Variants in IRAK3 observed in about 807,000 individuals in gnomAD.
IRAK3 encodes the protein interleukin 1 receptor associated kinase 3, also known as interleukin-1 receptor-associated kinase 3.
IRAK3 carries 57 observed loss-of-function variants against 56.6 expected under a neutral mutation model. The ratio of observed to expected loss-of-function variants is 1.01; its 90% CI spans 0.81 to 1.26. The LOEUF (loss-of-function observed/expected upper bound fraction) is 1.26. Among genes scored for constraint, IRAK3 ranks in the 50% most tolerant of loss-of-function variants. IRAK3 has a pLI of 0.00. For synonymous variants in IRAK3, 258 were observed against 255.7 expected, an observed-to-expected ratio of 1.01 and a Z score of -0.09; for missense variants, 703 against 719.0, an observed-to-expected ratio of 0.98 and a Z score of 0.25.
At chr12:66,201,932 G>A (rs190970426) in intron 1 of IRAK3, among the ~76,000 whole-genome samples, 1 of 152,134 alleles carries the variant, frequency 6.6e-6, no homozygotes, top group Admixed American at 6.5e-5. Flanking sequence ...AAGTACTTTG[G>A]AACACAGCAT....
chr12:66,234,195 A>G lies in IRAK3; in HGVS notation c.887+5825A>G, dbSNP rs532918065. On this transcript the variant is annotated intron_variant, in intron 8 of 11. Coordinates refer to ENST00000261233, the MANE Select transcript of IRAK3 (RefSeq NM_007199.3). ...GTCTGCATATGTTCATACTGTGGCA[A>G]GTAGGCTCCTTGCATAGCTGACGTT... The G allele has an allele frequency of 5.1e-5, 83 of 1,614,176 alleles. No homozygotes were observed. The East Asian group carries it at 1.8e-3, about 34-fold the overall frequency.
Position 66,209,485 on chromosome 12 carries a change from T to G in IRAK3, c.346T>G (p.Tyr116Asp), listed in dbSNP as rs142449223. The change falls in exon 3 of 12, where the codon TAT becomes GAT. Residue 116 changes from tyrosine (Y) to aspartate (D), a missense_variant. Transcript: ENST00000261233. ...GAVLSPSEKS[Y>D]QEGGFPNILF... ...AGTGTTGAGTCCTTCAGAGAAGAGT[T>G]ATCAGGAAGGTGGATTTCCAAATAT... The G allele has an allele frequency of 2.2e-5, 35 of 1,606,684 alleles. No homozygotes were observed. The highest frequency in any genetic ancestry group is 3.3e-5 in the Admixed American group (2 of 59,964).
chr12:66,235,291 T>A, intron 8 of IRAK3: 2 of 1,336,052 alleles, frequency 1.5e-6, no homozygotes, highest in Admixed American at 7.5e-5. Flanking sequence ...AGATCATCGC[T>A]GCGGGCCGCG....
Position 66,217,069 on chromosome 12 carries a change from A to G in IRAK3, c.589-102A>G, listed in dbSNP as rs993889608. The G allele has an allele frequency of 3.1e-5, 26 of 835,956 alleles. No homozygotes were observed. The African/African-American group carries it at 4.0e-4, about 13-fold the overall frequency. The allele number at this position is 835,956 out of a possible 1,614,324, so 51.8% of individuals were successfully genotyped here. A position where few individuals can be genotyped will look rare whatever the true frequency, so the allele number is the denominator to read the frequency against. On this transcript the variant is annotated intron_variant, in intron 5 of 11. Coordinates refer to ENST00000261233, the MANE Select transcript of IRAK3 (RefSeq NM_007199.3). The stretch of plus-strand genomic sequence containing the variant: ...CAGAAAAGTGTTCATATGTGTTTAC[A>G]CCAAAAAGTTCATCTAATTTAGGGA...
At chr12:66,218,363 G>A (rs1043320464) in intron 6 of IRAK3, among the ~76,000 whole-genome samples, 15 of 152,006 alleles carry the variant, frequency 9.9e-5, no homozygotes, top group Non-Finnish European at 1.6e-4. Flanking sequence ...AAATAATGCT[G>A]CAACAAGAAA....
intron 6 of IRAK3, among the ~76,000 whole-genome samples, chr12:66,217,708 C>G (rs897514175): frequency 6.6e-6 from 1 of 152,134 alleles, no homozygotes; most frequent in Non-Finnish European, 1.5e-5. Context: ...GAAATGACTT[C>G]GTTTTCATAT....
In IRAK3 at chr12:66,239,962, T is replaced by C. The variant is rs187603906; in HGVS notation, c.888-4524T>C. Among the ~76,000 whole-genome samples the C allele has an allele frequency of 3.8e-3, 574 of 152,326 alleles. 1 individual carries two copies. Among genetic ancestry groups the C allele is most frequent in the African/African-American group, 0.014 (565 of 41,568 alleles). ...GGAACTATTTGAAACTCAGCCAATT[T>C]GTTGGCATTAACTAACTGAAGGGTC... On this transcript the variant is annotated intron_variant, in intron 8 of 11. Transcript: ENST00000261233.
At chr12:66,205,582 T>C (rs925834067) in intron 2 of IRAK3, among the ~76,000 whole-genome samples, 1 of 152,252 alleles carries the variant, frequency 6.6e-6, no homozygotes, top group Admixed American at 6.5e-5. Context: ...TTTCCTATCA[T>C]AGCTACTCAT....
chr12:66,239,959 A>G (rs1056589900), intron 8 of IRAK3, among the ~76,000 whole-genome samples: 1 of 152,178 alleles, frequency 6.6e-6, no homozygotes, highest in African/African-American at 2.4e-5. Flanking sequence ...AACTCAGCCA[A>G]TTTGTTGGCA....
chr12:66,191,274 G>A (rs2052396405), intron 1 of IRAK3, among the ~76,000 whole-genome samples: 1 of 87,616 alleles, frequency 1.1e-5, no homozygotes, highest in Admixed American at 1.0e-4. Flanking sequence ...AAAAATTGAG[G>A]AAGTGGTCAG....
chr12:66,203,915 G>T (rs2052533452), intron 2 of IRAK3, 22 bp downstream of exon 2: 1 of 1,595,630 alleles, frequency 6.3e-7, no homozygotes, highest in Admixed American at 1.7e-5. Context: ...TTCTTATAAT[G>T]TGGCTCTTAA....
intron 1 of IRAK3, among the ~76,000 whole-genome samples, chr12:66,200,758 C>G (rs1230116266): frequency 6.6e-6 from 1 of 152,114 alleles, no homozygotes. Flanking sequence ...AATATTATAA[C>G]TGGTGTAGAA....
intron 6 of IRAK3, among the ~76,000 whole-genome samples, chr12:66,224,675 T>A (rs1592592759): frequency 6.6e-6 from 1 of 152,212 alleles, no homozygotes; most frequent in East Asian, 1.9e-4. Context: ...TTCATTTTCA[T>A]AAGAACCTTG....
intron 1 of IRAK3, among the ~76,000 whole-genome samples, chr12:66,191,715 G>A (rs1351220638): frequency 1.3e-5 from 2 of 152,152 alleles, no homozygotes; most frequent in East Asian, 1.9e-4. Context: ...TGGGCACAGC[G>A]AAGGGAGAAA....
In IRAK3 at chr12:66,235,235, G is replaced by A; in HGVS notation, c.887+6865G>A. ...CAGAGACTGCTGCTTGCGATAGGGC[G>A]TCCGGCAGTTGCTGCTGCCCCCGGG... On this transcript the variant is annotated intron_variant, in intron 8 of 11. Coordinates refer to ENST00000261233, the MANE Select transcript of IRAK3 (RefSeq NM_007199.3). 1.0e-5 allele frequency: 16 copies of A among 1,605,262 alleles called. No homozygotes were observed. In the South Asian group the frequency reaches 1.4e-4, roughly 14 times the overall value.
intron 11 of IRAK3, 69 bp from the exon 12 acceptor site, chr12:66,247,626 G>C (rs376427779): frequency 9.0e-5 from 86 of 959,058 alleles, no homozygotes; most frequent in South Asian, 2.0e-4. Flanking sequence ...TTTATAGGTA[G>C]AGTGATAAAA....
At chr12:66,235,226 C>A in intron 8 of IRAK3, 8 of 1,609,310 alleles carry the variant, frequency 5.0e-6, no homozygotes, top group Non-Finnish European at 6.8e-6. Flanking sequence ...CTGCTGCTTG[C>A]GATAGGGCGT....
At chr12:66,230,275 T>C (rs2052830435) in intron 8 of IRAK3, among the ~76,000 whole-genome samples, 1 of 152,158 alleles carries the variant, frequency 6.6e-6, no homozygotes, top group Non-Finnish European at 1.5e-5. Context: ...GTCCAGGAAG[T>C]GGGCTCAGAA....
intron 6 of IRAK3, among the ~76,000 whole-genome samples, chr12:66,220,514 CTTTTTT>C (rs1555203808): frequency 1.5e-5 from 1 of 67,350 alleles, no homozygotes; most frequent in Non-Finnish European, 2.5e-5. Flanking sequence ...GTTCTTCTTT[CTTTTTT>C]TTTTTTTTTT....
Sources: gnomAD v4.1 joint callset for allele counts (sites outside exome capture counted in the v4.1 genomes callset) on GRCh38, gnomAD v4.1.1 for gene constraint, MANE v1.5 for transcripts, NCBI Gene and HGNC (gene_info 2026-07-23, HGNC 2026-07-21) for gene names.